MYH14: variants seen among roughly 807,000 people sequenced by gnomAD.
MYH14 encodes the protein myosin-14.
Under a neutral mutation model 255.5 loss-of-function variants are expected in MYH14, and 123 were observed. The observed-to-expected ratio is 0.48, with a 90% confidence interval of 0.42 to 0.56. The LOEUF (loss-of-function observed/expected upper bound fraction) is 0.56. MYH14 is among the 20% of genes least tolerant of loss of function. MYH14 has a pLI of 0.00. For synonymous variants in MYH14, 1,095 were observed against 1,161.2 expected, an observed-to-expected ratio of 0.94 and a Z score of 1.16; for missense variants, 2,423 against 2,802.3, an observed-to-expected ratio of 0.86 and a Z score of 3.06.
chr19:50,207,271 C>CAGAGAGAGCGAGAGAG (rs2031836419), intron 1 of MYH14, among the ~76,000 whole-genome samples: 1 of 76,804 alleles, frequency 1.3e-5, no homozygotes, highest in Non-Finnish European at 2.5e-5. Context: ...GAGAGAGAGA[C>CAGAGAGAGCGAGAGAG]AGAGAGAGAG....
intron 10 of MYH14, among the ~76,000 whole-genome samples, chr19:50,233,102 G>A (rs1009508974): frequency 3.9e-5 from 6 of 152,066 alleles, no homozygotes; most frequent in African/African-American, 7.2e-5. Context: ...CCCAGGCTGC[G>A]CGGCACTGGT....
chr19:50,244,379 C>T (rs1223825543), intron 11 of MYH14, 42 bp downstream of exon 11: 2 of 1,558,382 alleles, frequency 1.3e-6, no homozygotes, highest in Non-Finnish European at 1.8e-6. Flanking sequence ...CCAGCCCCCG[C>T]CCAGGTGGTG....
chr19:50,215,781 T>C (rs1316197165), intron 2 of MYH14, among the ~76,000 whole-genome samples: 3 of 152,142 alleles, frequency 2.0e-5, no homozygotes, highest in African/African-American at 7.2e-5. Flanking sequence ...TTCATGCCAC[T>C]GCACTCCAGC....
intron 39 of MYH14, among the ~76,000 whole-genome samples, chr19:50,300,841 T>C (rs1427870652): frequency 1.3e-5 from 2 of 152,106 alleles, no homozygotes; most frequent in East Asian, 3.8e-4. Flanking sequence ...GAGGATCACT[T>C]AAGCTTGGGA....
At chr19:50,219,765 T>G (rs1432987553) in intron 3 of MYH14, among the ~76,000 whole-genome samples, 2 of 151,218 alleles carry the variant, frequency 1.3e-5, no homozygotes, top group African/African-American at 2.5e-5. Flanking sequence ...AGATCAGTCC[T>G]GGCAGAATTA....
chr19:50,220,414 TTTA>T (rs1467131634), intron 3 of MYH14, among the ~76,000 whole-genome samples: 13 of 149,514 alleles, frequency 8.7e-5, no homozygotes, highest in Middle Eastern at 3.6e-3. Flanking sequence ...TTATATTTAT[TTTA>T]TTATTATATA....
In MYH14 at chr19:50,230,631, C is replaced by T. The variant is rs371109018; in HGVS notation, c.973+8C>T. The T allele has an allele frequency of 6.4e-7, 1 of 1,555,096 alleles. No homozygotes were observed. Among genetic ancestry groups the T allele is most frequent in the Middle Eastern group, 1.7e-4 (1 of 5,988 alleles). On this transcript the variant is annotated splice_region_variant and intron_variant, in intron 9 of 42. Transcript: ENST00000642316. This position sits in a 1 kb window ranked among gnomAD's most constrained non-coding sequence, Gnocchi z 4.7. ...CTGGAGAGCAGCTCAAAGGTCAGTG[C>T]CGCCCCGTCCTACCCTGCTCACCCG...
At position 50,290,870 on chromosome 19, in the gene MYH14, C is replaced by T; in HGVS notation, c.4966-17C>T. 1 of 1,550,816 alleles carries T rather than the reference C, an allele frequency of 6.4e-7. No individual in the cohort carries two copies. Among genetic ancestry groups the T allele is most frequent in the South Asian group, 1.2e-5 (1 of 83,996 alleles). On this transcript the variant is annotated splice_polypyrimidine_tract_variant and intron_variant, in intron 35 of 42. Transcript: ENST00000642316. ...GCTTCCTGTGTCTGACCCGGTCCCT[C>T]CTGACCTCCTCTCCAGCTGAGAGAT...
chr19:50,225,340 GT>G (rs1049177912), intron 6 of MYH14, among the ~76,000 whole-genome samples: 5 of 152,084 alleles, frequency 3.3e-5, no homozygotes, highest in African/African-American at 4.8e-5. Flanking sequence ...TCTGCAACTT[GT>G]TTTTTTGTTT....
chr19:50,210,411 A>G lies in MYH14; in HGVS notation c.46A>G (p.Arg16Gly), dbSNP rs777024211. Residue 16 changes from arginine (R) to glycine (G), a missense_variant, in exon 2 of 43, where the codon AGG becomes GGG. By Grantham distance (125) the Arg-to-Gly change is moderately radical. This residue lies in a region of MYH14 where 238 missense variants were observed against 245.8 expected (regional missense o/e 0.97). Coordinates refer to ENST00000642316, the MANE Select transcript of MYH14 (RefSeq NM_001145809.2). ...GGTGCCCGGGCGGAAGGCGCCCCCC[A>G]GGCCGGGCCCAGTGCCCGAGGCGGC... ...MSVPGRKAPP[R>G]PGPVPEAAQP... is the part of the protein sequence containing the mutation. The G allele has an allele frequency of 2.1e-5, 33 of 1,571,158 alleles. No individual in the cohort carries two copies. Among genetic ancestry groups the G allele is most frequent in the Non-Finnish European group, 2.7e-5 (31 of 1,160,314 alleles).
chr19:50,266,731 C>A lies in MYH14; in HGVS notation c.2695-146C>A. On this transcript the variant is annotated intron_variant, in intron 22 of 42. Coordinates refer to ENST00000642316, the MANE Select transcript of MYH14 (RefSeq NM_001145809.2). The surrounding 1 kb of genome is among the most constrained non-coding windows in gnomAD (Gnocchi z 4.1). ...GCCTGTACCTGTCAGTGTTCTAGGCCTGTGACCAGGGACTGTTGCCAAGGC... is the reference window on the plus strand; with the variant it reads ...GCCTGTACCTGTCAGTGTTCTAGGCATGTGACCAGGGACTGTTGCCAAGGC... 1.0e-6 allele frequency: 1 copy of A among 973,726 alleles called. No homozygotes were observed. The highest frequency in any genetic ancestry group is 1.5e-6 in the Non-Finnish European group (1 of 645,396). 60.3% of individuals were successfully genotyped at this position (973,726 alleles called of 1,614,324 possible).
chr19:50,301,915 TG>T, intron 40 of MYH14, 46 bp downstream of exon 40: 1 of 1,490,160 alleles, frequency 6.7e-7, no homozygotes, highest in Non-Finnish European at 9.2e-7. Context: ...CTCCACATTC[TG>T]GTTGGTGAGA....
chr19:50,243,431 C>T (rs527950118), intron 10 of MYH14, among the ~76,000 whole-genome samples: 3 of 150,486 alleles, frequency 2.0e-5, no homozygotes, highest in Non-Finnish European at 3.0e-5. Flanking sequence ...AATGAGACTC[C>T]GTCTCAAAAA....
chr19:50,234,833 A>G (rs921190678), intron 10 of MYH14, among the ~76,000 whole-genome samples: 3 of 152,244 alleles, frequency 2.0e-5, no homozygotes, highest in African/African-American at 7.2e-5. Flanking sequence ...CAACCTATGC[A>G]TGTAGTAACA....
At chr19:50,217,880 C>G in intron 3 of MYH14, 109 bp downstream of exon 3, 1 of 1,345,806 alleles carries the variant, frequency 7.4e-7, no homozygotes, top group South Asian at 1.4e-5. Flanking sequence ...GTAGACTTGA[C>G]TCTGTAGGGC....
At chr19:50,217,977 A>G (rs375421011) in intron 3 of MYH14, among the ~76,000 whole-genome samples, 73 of 152,120 alleles carry the variant, frequency 4.8e-4, no homozygotes, top group Admixed American at 1.6e-3. Context: ...CTCCATGTTC[A>G]TTGTCTCTTT....
At chr19:50,305,744 A>G (rs1459358992) in intron 40 of MYH14, among the ~76,000 whole-genome samples, 3 of 151,802 alleles carry the variant, frequency 2.0e-5, no homozygotes, top group African/African-American at 7.3e-5. Context: ...CCTGGGCAAC[A>G]TGGCGAGACC....
chr19:50,236,827 C>G (rs988614428), intron 10 of MYH14, among the ~76,000 whole-genome samples: 1 of 152,124 alleles, frequency 6.6e-6, no homozygotes, highest in Admixed American at 6.6e-5. Context: ...CACCATTCAC[C>G]TATTTAAACT....
intron 10 of MYH14, among the ~76,000 whole-genome samples, chr19:50,238,235 C>T (rs946322984): frequency 9.2e-5 from 14 of 152,168 alleles, no homozygotes; most frequent in Non-Finnish European, 2.1e-4. Flanking sequence ...GCAACAAGAG[C>T]TGACTGCCAG....
Sources: allele counts gnomAD v4.1 joint callset (sites outside exome capture counted in the v4.1 genomes callset), GRCh38; gene constraint gnomAD v4.1.1; regional missense constraint gnomAD v4.1.1; non-coding constraint Gnocchi (gnomAD v3.1); transcripts MANE v1.5; gene names NCBI Gene and HGNC (gene_info 2026-07-23, HGNC 2026-07-21).